GEN1: variants seen among roughly 807,000 people sequenced by gnomAD.
GEN1 encodes flap endonuclease GEN homolog 1.
Under a neutral mutation model 67.6 loss-of-function variants are expected in GEN1, and 64 were observed. That is an observed-to-expected ratio of 0.95 (90% CI 0.77 to 1.17). GEN1 has a LOEUF of 1.17. Among genes scored for constraint, GEN1 ranks in the 50% most tolerant of loss-of-function variants. GEN1 has a pLI of 0.00. For missense variants in GEN1, 1,058 were observed against 1,048.3 expected (o/e 1.01, Z -0.13); for synonymous variants, 371 against 359.4 (o/e 1.03, Z -0.37).
chr2:17,766,911 T>C (rs1211005715), intron 5 of GEN1, among the ~76,000 whole-genome samples: 1 of 152,232 alleles, frequency 6.6e-6, no homozygotes, highest in East Asian at 1.9e-4. Context: ...TAGAATAATG[T>C]AGTACCACAG....
In GEN1 at chr2:17,788,097, C is replaced by G. The variant is rs1256259757; in HGVS notation, c.*6158C>G. The G allele has an allele frequency of 6.6e-6, 1 of 152,262 alleles. No homozygotes were observed. Among genetic ancestry groups the G allele is most frequent in the Admixed American group, 6.5e-5 (1 of 15,284 alleles). The allele number at this position is 152,262 out of a possible 1,614,324, so 9.4% of individuals were successfully genotyped here. A position where few individuals can be genotyped will look rare whatever the true frequency, so the allele number is the denominator to read the frequency against. On this transcript the variant is annotated 3_prime_UTR_variant, in exon 14 of 14. Transcript: ENST00000381254. ...TCAAGACGCCCTGCCAAGATGCTTG[C>G]TTTCTGAAGGTGAAGAGTCTAAATC...
At chr2:17,758,947 G>A (rs577214918) in intron 1 of GEN1, among the ~76,000 whole-genome samples, 61 of 152,030 alleles carry the variant, frequency 4.0e-4, no homozygotes, top group African/African-American at 1.5e-3. Flanking sequence ...AGACAGCAAC[G>A]CTTCCAGCAT....
intron 3 of GEN1, 121 bp from the exon 4 acceptor site, chr2:17,764,776 G>GTA: frequency 1.1e-6 from 1 of 873,542 alleles, no homozygotes; most frequent in Non-Finnish European, 1.6e-6. Flanking sequence ...CTTAAATATC[G>GTA]TAATTTTTAA....
intron 1 of GEN1, chr2:17,754,735 T>C (rs1268835961): frequency 6.6e-6 from 1 of 152,274 alleles, no homozygotes; most frequent in African/African-American, 2.4e-5. Context: ...GTTAACCTTG[T>C]ATTTCGGATA....
At position 17,785,987 on chromosome 2, in the gene GEN1, T is replaced by C. The variant is rs568137229; in HGVS notation, c.*4048T>C. 5 of 152,368 alleles carry C rather than the reference T, an allele frequency of 3.3e-5. No homozygotes were observed. Among genetic ancestry groups the C allele is most frequent in the African/African-American group, 1.2e-4 (5 of 41,594 alleles). 9.4% of individuals were successfully genotyped at this position (152,368 alleles called of 1,614,324 possible). A position where few individuals can be genotyped will look rare whatever the true frequency, so the allele number is the denominator to read the frequency against. ...CTTTTTCCTTTTGGGTAGCATGGCT[T>C]GAGCCATCTTGTCAGGCATACCTAG... On this transcript the variant is annotated 3_prime_UTR_variant, in exon 14 of 14. Coordinates refer to ENST00000381254, the MANE Select transcript of GEN1 (RefSeq NM_001130009.3).
rs1572432039 is a variant in GEN1, at chr2:17,784,562, A to G, written c.*2623A>G. The G allele has an allele frequency of 6.6e-6, 1 of 152,252 alleles. No homozygotes were observed. The highest frequency in any genetic ancestry group is 2.4e-5 in the African/African-American group (1 of 41,466). The allele number at this position is 152,252 out of a possible 1,614,324, so 9.4% of individuals were successfully genotyped here. A position where few individuals can be genotyped will look rare whatever the true frequency, so the allele number is the denominator to read the frequency against. On this transcript the variant is annotated 3_prime_UTR_variant, in exon 14 of 14. Coordinates refer to ENST00000381254, the MANE Select transcript of GEN1 (RefSeq NM_001130009.3). ...ATAGCCTAAAAGTGGAAACAATCCC[A>G]GTTCCAGAATGAGGAAGGGGAGAAA...
At chr2:17,769,631 C>T (rs1344515172) in intron 6 of GEN1, among the ~76,000 whole-genome samples, 1 of 152,122 alleles carries the variant, frequency 6.6e-6, no homozygotes, top group Non-Finnish European at 1.5e-5. Context: ...AAATCTTACT[C>T]GACTGGCCTT....
Position 17,771,237 on chromosome 2 carries a change from A to G in GEN1, c.752A>G (p.Gln251Arg), listed in dbSNP as rs1174267594. ...WNETSCNSSP[Q>R]LLVTKKLAHC... The stretch of plus-strand genomic sequence containing the variant: ...GAAACATCTTGTAACTCTAGTCCAC[A>G]ACTGCTAGTCACTAAAAAACTGGCT... Residue 251 changes from glutamine to arginine, a missense_variant, in exon 7 of 14, where the codon CAA becomes CGA. By Grantham distance (43) the Gln-to-Arg change is conservative. Coordinates refer to ENST00000381254, the MANE Select transcript of GEN1 (RefSeq NM_001130009.3). The G allele has an allele frequency of 1.9e-6, 3 of 1,612,262 alleles. No homozygotes were observed. Among genetic ancestry groups the G allele is most frequent in the African/African-American group, 1.3e-5 (1 of 74,866 alleles).
chr2:17,762,594 A>G (rs900999546), intron 3 of GEN1, among the ~76,000 whole-genome samples: 1 of 152,034 alleles, frequency 6.6e-6, no homozygotes, highest in African/African-American at 2.4e-5. Flanking sequence ...TTAATGCTTC[A>G]TGTTGTCATA....
chr2:17,777,917 AT>A (rs1334094753), intron 11 of GEN1, 84 bp from the exon 12 acceptor site: 4 of 731,790 alleles, frequency 5.5e-6, no homozygotes, highest in Admixed American at 2.2e-5. Flanking sequence ...GGAAAAAAAA[AT>A]CTATGGAAAT....
upstream of GEN1, chr2:17,753,528 G>T (rs912601633): frequency 6.6e-6 from 1 of 152,282 alleles, no homozygotes; most frequent in Non-Finnish European, 1.5e-5. Context: ...AGCTGACCCT[G>T]CCTCTCCCGG....
intron 1 of GEN1, among the ~76,000 whole-genome samples, chr2:17,757,672 T>C (rs1671494067): frequency 6.6e-6 from 1 of 152,218 alleles, no homozygotes; most frequent in Admixed American, 6.5e-5. Flanking sequence ...GAATTTCTCT[T>C]CCCTCAAAAA....
chr2:17,786,026 T>C lies in GEN1; in HGVS notation c.*4087T>C, dbSNP rs1673045844. 1 of 152,264 alleles carries C rather than the reference T, an allele frequency of 6.6e-6. No individual in the cohort carries two copies. Among genetic ancestry groups the C allele is most frequent in the Non-Finnish European group, 1.5e-5 (1 of 68,050 alleles). The allele number at this position is 152,264 out of a possible 1,614,324, so 9.4% of individuals were successfully genotyped here. A position where few individuals can be genotyped will look rare whatever the true frequency, so the allele number is the denominator to read the frequency against. The stretch of plus-strand genomic sequence containing the variant: ...AGGCATACCTAGCTTCAGATTCTTT[T>C]CTGCTAACAGATTTTCTCTGTGACC... On this transcript the variant is annotated 3_prime_UTR_variant, in exon 14 of 14. Coordinates refer to ENST00000381254, the MANE Select transcript of GEN1 (RefSeq NM_001130009.3).
rs1378910369 is a variant in GEN1, at chr2:17,783,181, C to T, written c.*1242C>T. 1 of 152,332 alleles carries T rather than the reference C, an allele frequency of 6.6e-6. No homozygotes were observed. 9.4% of individuals were successfully genotyped at this position (152,332 alleles called of 1,614,324 possible). ...CACGCAATTCACATGCCTCAGCCAC[C>T]TGAGTAGCAGGGATTACAGGTGTGT... On this transcript the variant is annotated 3_prime_UTR_variant, in exon 14 of 14. Coordinates refer to ENST00000381254, the MANE Select transcript of GEN1 (RefSeq NM_001130009.3).
Position 17,780,008 on chromosome 2 carries a change from G to A in GEN1, c.1295G>A (p.Gly432Glu), listed in dbSNP as rs777855155. 1.4e-5 allele frequency: 23 copies of A among 1,600,888 alleles called. 1 individual carries two copies. In the East Asian group the frequency reaches 5.1e-4, roughly 36 times the overall value. The change falls in exon 13 of 14, where the codon GGA becomes GAA. Residue 432 changes from glycine to glutamate, a missense_variant. Physicochemically the swap from Gly to Glu is moderately conservative, Grantham distance 98. Coordinates refer to ENST00000381254, the MANE Select transcript of GEN1 (RefSeq NM_001130009.3). The stretch of plus-strand genomic sequence containing the variant: ...TATGCTATGGAAGATAAACAACATG[G>A]AGAATTTGCTTTATTAACAATTGAG... Reference protein sequence around the residue: ...EHYAMEDKQHGEFALLTIEEE... With the variant: ...EHYAMEDKQHEEFALLTIEEE...
intron 10 of GEN1, 114 bp downstream of exon 10, chr2:17,773,413 T>C: frequency 1.5e-6 from 1 of 647,724 alleles, no homozygotes; most frequent in East Asian, 2.8e-5. Flanking sequence ...AGGCAGCTCT[T>C]ATATTTTTTC....
chr2:17,762,643 T>C (rs996638578), intron 3 of GEN1, among the ~76,000 whole-genome samples: 26 of 152,218 alleles, frequency 1.7e-4, no homozygotes, highest in African/African-American at 6.0e-4. Flanking sequence ...TCATAACTTG[T>C]AGTGGTTGTG....
At position 17,782,150 on chromosome 2, in the gene GEN1, A is replaced by G. The variant is rs575753830; in HGVS notation, c.*211A>G. 1 of 424,056 alleles carries G rather than the reference A, an allele frequency of 2.4e-6. No homozygotes were observed. The highest frequency in any genetic ancestry group is 2.0e-5 in the African/African-American group (1 of 48,894). 26.3% of individuals were successfully genotyped at this position (424,056 alleles called of 1,614,324 possible). On this transcript the variant is annotated 3_prime_UTR_variant, in exon 14 of 14. Coordinates refer to ENST00000381254, the MANE Select transcript of GEN1 (RefSeq NM_001130009.3). ...CTGTATTGAAAACTTCTGATAATGT[A>G]TGTCATTATGTCCTTACTATTCCTT...
In GEN1 at chr2:17,787,338, C is replaced by G. The variant is rs1302406467; in HGVS notation, c.*5399C>G. ...CTCAGATAAGACTAAGATCTCTGAG[C>G]ACAGGAATCAAGTCTTATTTCTGTT... On this transcript the variant is annotated 3_prime_UTR_variant, in exon 14 of 14. Transcript: ENST00000381254. The G allele has an allele frequency of 6.6e-6, 1 of 152,188 alleles. No individual in the cohort carries two copies. The highest frequency in any genetic ancestry group is 2.4e-5 in the African/African-American group (1 of 41,440). 9.4% of individuals were successfully genotyped at this position (152,188 alleles called of 1,614,324 possible). A position where few individuals can be genotyped will look rare whatever the true frequency, so the allele number is the denominator to read the frequency against.
Sources: allele counts gnomAD v4.1 joint callset (sites outside exome capture counted in the v4.1 genomes callset), GRCh38; gene constraint gnomAD v4.1.1; transcripts MANE v1.5; gene names NCBI Gene and HGNC (gene_info 2026-07-23, HGNC 2026-07-21).